Variants in ESYT1 observed in about 807,000 individuals in gnomAD.
ESYT1 encodes the protein extended synaptotagmin 1.
A neutral mutation model predicts 154.2 loss-of-function variants in ESYT1; 116 were observed. The observed-to-expected ratio is 0.75, with a 90% CI of 0.65 to 0.88. The LOEUF is 0.88. Ranked by LOEUF, ESYT1 falls within the 40% of genes least tolerant of loss-of-function variation. The probability of loss-of-function intolerance (pLI) is 0.00; values close to 1 mark genes in which losing one functional copy is unlikely to be tolerated. For synonymous variants in ESYT1, 500 were observed against 539.9 expected (o/e 0.93, Z 1.02); for missense variants, 1,264 against 1,379.3 (o/e 0.92, Z 1.32).
Position 56,143,391 on chromosome 12 carries a change from T to C in ESYT1, c.3225+58T>C, listed in dbSNP as rs980806968. The stretch of plus-strand genomic sequence containing the variant: ...GGCTGGAAGCTGCTGGCACCAAGGT[T>C]ATAGTCCCTGTGAGGAAGGAAGTAC... On this transcript the variant is annotated intron_variant, in intron 29 of 30. Coordinates refer to ENST00000394048, the MANE Select transcript of ESYT1 (RefSeq NM_015292.3). The C allele has an allele frequency of 5.7e-6, 9 of 1,573,670 alleles. No individual in the cohort carries two copies. The African/African-American group carries it at 1.2e-4, about 21-fold the overall frequency.
chr12:56,131,601 G>A, intron 6 of ESYT1, 35 bp downstream of exon 6: 3 of 1,611,832 alleles, frequency 1.9e-6, no homozygotes, highest in Non-Finnish European at 2.5e-6. Flanking sequence ...TGGGGAAGCA[G>A]GAGAAACAGA....
At chr12:56,134,750 C>A (rs1252412433) in intron 15 of ESYT1, among the ~76,000 whole-genome samples, 1 of 152,100 alleles carries the variant, frequency 6.6e-6, no homozygotes, top group Non-Finnish European at 1.5e-5. Flanking sequence ...AGGCAGGCAC[C>A]ACCATGCCCG....
In ESYT1 at chr12:56,137,817, A is replaced by G. The variant is rs1351804442; in HGVS notation, c.2116-15A>G. ...AAGGAGAGAATCTTTCATCTGCACTATTTTCTCCCACTAGGTGATCGTCAC... is the reference window on the plus strand; with the variant it reads ...AAGGAGAGAATCTTTCATCTGCACTGTTTTCTCCCACTAGGTGATCGTCAC... On this transcript the variant is annotated splice_polypyrimidine_tract_variant and intron_variant, in intron 18 of 30. Coordinates refer to ENST00000394048, the MANE Select transcript of ESYT1 (RefSeq NM_015292.3). 1 of 1,613,764 alleles carries G rather than the reference A, an allele frequency of 6.2e-7. No homozygotes were observed. Among genetic ancestry groups the G allele is most frequent in the Non-Finnish European group, 8.5e-7 (1 of 1,179,806 alleles).
rs1266034413 is a variant in ESYT1 at position 56,142,291 on chromosome 12, G to A, written c.2599G>A (p.Gly867Ser). The part of the protein sequence containing the change: ...HTESLELQVR[G>S]EGTGVLGSLS... The stretch of plus-strand genomic sequence containing the variant: ...TGGTCCTGTTGCCCCACAGGTTCGG[G>A]GTGAGGGCACTGGCGTGCTGGGCTC... Residue 867 changes from glycine (G) to serine (S), a missense_variant, in exon 25 of 31, where the codon GGT becomes AGT. Coordinates refer to ENST00000394048, the MANE Select transcript of ESYT1 (RefSeq NM_015292.3). The surrounding 1 kb of genome is among the most constrained non-coding windows in gnomAD (Gnocchi z 4.1). 16 of 1,613,912 alleles carry A rather than the reference G, an allele frequency of 9.9e-6. 1 individual carries two copies. The Admixed American group carries it at 1.5e-4, about 15-fold the overall frequency.
In ESYT1 at chr12:56,130,586, G is replaced by C. The variant is rs1272582616; in HGVS notation, c.395G>C (p.Ser132Thr). Residue 132 changes from serine (S) to threonine (T), a missense_variant, in exon 2 of 31, where the codon AGC (serine) becomes ACC (threonine). Physicochemically the swap from Ser to Thr is moderately conservative, Grantham distance 58. Transcript: ENST00000394048. ...MSHRELPAWV[S>T]FPDVEKAEWL... Reference sequence around the variant, plus strand: ...CTCTGCCTTCCCCACCTCCAGGTCAGCTTCCCAGACGTGGAAAAGGCTGAA... The same window carrying C: ...CTCTGCCTTCCCCACCTCCAGGTCACCTTCCCAGACGTGGAAAAGGCTGAA... 2.5e-6 allele frequency: 4 copies of C among 1,613,820 alleles called. No homozygotes were observed. In the African/African-American group the frequency reaches 5.3e-5, roughly 22 times the overall value.
chr12:56,128,498 G>C lies in ESYT1; in HGVS notation c.179G>C (p.Arg60Thr). The change falls in exon 1 of 31, where the codon AGG becomes ACG. Residue 60 changes from arginine to threonine, a missense_variant. Transcript: ENST00000394048. ...EALAVLTSFG[R>T]RLLVLIPVYL... Reference sequence around the variant, plus strand: ...CTGGCGGTGCTGACTTCATTCGGGAGGCGGTTGCTGGTGCTGATACCTGTG... The same window carrying C: ...CTGGCGGTGCTGACTTCATTCGGGACGCGGTTGCTGGTGCTGATACCTGTG... 1 of 1,611,514 alleles carries C rather than the reference G, an allele frequency of 6.2e-7. No homozygotes were observed. The highest frequency in any genetic ancestry group is 2.2e-5 in the East Asian group (1 of 44,818).
rs756762435 is a variant in ESYT1, at chr12:56,137,382, A to G, written c.1938+9A>G. On this transcript the variant is annotated intron_variant, in intron 17 of 30. Transcript: ENST00000394048. The stretch of plus-strand genomic sequence containing the variant: ...GCCAGTTTGGGACTGAGGTGAGTCT[A>G]TATCTGGAAAGGACTAGGGTCTGTT... The G allele has an allele frequency of 6.8e-6, 11 of 1,614,028 alleles. No homozygotes were observed. Among genetic ancestry groups the G allele is most frequent in the East Asian group, 2.2e-5 (1 of 44,898 alleles).
In ESYT1 at chr12:56,142,765, T is replaced by C. The variant is rs1415490610; in HGVS notation, c.2888+33T>C. 6.2e-7 allele frequency: 1 copy of C among 1,613,134 alleles called. No homozygotes were observed. Among genetic ancestry groups the C allele is most frequent in the Non-Finnish European group, 8.5e-7 (1 of 1,179,698 alleles). ...GCTGGGACAGGAAGGTGGGACGCAGTCAGAAATAAAAAGTATTACAGGTTC... is the reference window on the plus strand; with the variant it reads ...GCTGGGACAGGAAGGTGGGACGCAGCCAGAAATAAAAAGTATTACAGGTTC... On this transcript the variant is annotated intron_variant, in intron 26 of 30. Transcript: ENST00000394048. The surrounding 1 kb of genome is among the most constrained non-coding windows in gnomAD (Gnocchi z 4.1).
chr12:56,131,560 A>G lies in ESYT1; in HGVS notation c.798A>G (p.Arg266=), dbSNP rs1486122353. The G allele has an allele frequency of 2.5e-6, 4 of 1,613,902 alleles. No individual in the cohort carries two copies. Among genetic ancestry groups the G allele is most frequent in the Non-Finnish European group, 2.5e-6 (3 of 1,179,990 alleles). ...GGGCTGTGTCAATGTTCTTCATCCG[A>G]CGCCCGGTAAGGGAAAACAATGAAG... The part of the protein sequence containing the change: ...FVGAVSMFFI[R]RPTLDINWTG... Residue 266 remains arginine (R), a synonymous_variant, in exon 6 of 31, where the codon CGA becomes CGG. Transcript: ENST00000394048.
At position 56,132,483 on chromosome 12, in the gene ESYT1, G is replaced by A. The variant is rs745630502; in HGVS notation, c.1047G>A (p.Lys349=). The change falls in exon 9 of 31, where the codon AAG becomes AAA. Residue 349 remains lysine (K), a synonymous_variant. Transcript: ENST00000394048. The part of the protein sequence containing the change: ...RGLSSKDKYV[K]GLIEGKSDPY... ...TGAGTTCCAAGGACAAATATGTGAA[G>A]GGCCTGATTGAGGGCAAGTCAGACC... The A allele has an allele frequency of 9.9e-6, 16 of 1,614,078 alleles. No homozygotes were observed. In the East Asian group the frequency reaches 3.3e-4, roughly 34 times the overall value.
intron 24 of ESYT1, among the ~76,000 whole-genome samples, chr12:56,141,573 T>C (rs1870694251): frequency 6.6e-6 from 1 of 152,148 alleles, no homozygotes; most frequent in Non-Finnish European, 1.5e-5. Context: ...ACCCTGTCTC[T>C]ATTAAAAATA....
chr12:56,132,579 G>A lies in ESYT1; in HGVS notation c.1143G>A (p.Gln381=), dbSNP rs374972437. 16 of 1,614,228 alleles carry A rather than the reference G, an allele frequency of 9.9e-6. No individual in the cohort carries two copies. The highest frequency in any genetic ancestry group is 1.4e-5 in the Non-Finnish European group (16 of 1,180,048). The part of the protein sequence containing the change: ...SRVIDEELNP[Q]WGETYEVMVH... ...TCATTGATGAAGAACTCAACCCACA[G>A]TGGGGAGAGACTTATGAGGTGGGAG... Residue 381 remains glutamine (Q), a synonymous_variant, in exon 9 of 31, where the codon CAG becomes CAA. Transcript: ENST00000394048.
rs138079553 is a variant in ESYT1, at chr12:56,143,036, C to T, written c.3007C>T (p.Arg1003Cys). The change falls in exon 28 of 31, where the codon CGT (arginine) becomes TGT (cysteine). Residue 1003 changes from arginine (R) to cysteine (C), a missense_variant. Arg to Cys is a radical substitution (Grantham distance 180, BLOSUM62 -3). Transcript: ENST00000394048. The part of the protein sequence containing the change: ...HGCRSLRQNG[R>C]DPPDPYVSLL... ...TTGTAGGTCCCTTCGACAGAATGGA[C>T]GTGATCCTCCTGATCCCTATGTGTC... The T allele has an allele frequency of 1.1e-5, 17 of 1,614,196 alleles. No individual in the cohort carries two copies. The highest frequency in any genetic ancestry group is 8.9e-5 in the East Asian group (4 of 44,886).
At chr12:56,134,995 G>A (rs557567083) in intron 15 of ESYT1, among the ~76,000 whole-genome samples, 6 of 152,142 alleles carry the variant, frequency 3.9e-5, no homozygotes, top group South Asian at 4.1e-4. Flanking sequence ...GCTATGTTTC[G>A]TGCTTTCTCC....
At chr12:56,141,543 A>C (rs578006847) in intron 24 of ESYT1, among the ~76,000 whole-genome samples, 4 of 152,092 alleles carry the variant, frequency 2.6e-5, no homozygotes, top group African/African-American at 9.7e-5. Context: ...GATCGAGACC[A>C]TCCTGGCTAA....
chr12:56,137,771 G>A, intron 18 of ESYT1, 61 bp from the exon 19 acceptor site: 4 of 1,604,194 alleles, frequency 2.5e-6, no homozygotes, highest in East Asian at 2.2e-5. Context: ...TGACTGGGGG[G>A]TCCAGTCATT....
rs760550534 is a variant in ESYT1 at position 56,142,940 on chromosome 12, C to T, written c.2987+7C>T. On this transcript the variant is annotated splice_region_variant and intron_variant, in intron 27 of 30. Transcript: ENST00000394048. The surrounding 1 kb of genome is among the most constrained non-coding windows in gnomAD (Gnocchi z 4.1). ...GCATTGTTCATGGTTGCCGGTGAGA[C>T]CCCATCCCTCCTGTCCTCCAGATCG... 1.2e-6 allele frequency: 2 copies of T among 1,614,146 alleles called. No homozygotes were observed. Among genetic ancestry groups the T allele is most frequent in the South Asian group, 2.2e-5 (2 of 91,086 alleles).
Position 56,130,771 on chromosome 12 carries a change from C to T in ESYT1, c.433-20C>T. On this transcript the variant is annotated intron_variant, in intron 2 of 30. Transcript: ENST00000394048. ...GAGGGAAGACTGGACTCTCCTCTGA[C>T]CATCTCTCTTTCCTCCCAGATTGTG... 1 of 1,613,696 alleles carries T rather than the reference C, an allele frequency of 6.2e-7. No individual in the cohort carries two copies. Among genetic ancestry groups the T allele is most frequent in the Non-Finnish European group, 8.5e-7 (1 of 1,179,946 alleles).
rs1441357166 is a variant in ESYT1 at position 56,144,453 on chromosome 12, G to A, written c.*591G>A. 11 of 987,024 alleles carry A rather than the reference G, an allele frequency of 1.1e-5. No homozygotes were observed. Among genetic ancestry groups the A allele is most frequent in the South Asian group, 9.3e-5 (2 of 21,430 alleles). 61.1% of individuals were successfully genotyped at this position (987,024 alleles called of 1,614,324 possible). The stretch of plus-strand genomic sequence containing the variant: ...TCTTGTCACTTTGGAAACTGAGGAC[G>A]CGTGGATTCTACTCAAGCCTCCAAG... On this transcript the variant is annotated 3_prime_UTR_variant, in exon 31 of 31. Transcript: ENST00000394048.
Sources: gnomAD v4.1 joint callset for allele counts (sites outside exome capture counted in the v4.1 genomes callset) on GRCh38, gnomAD v4.1.1 for gene constraint, Gnocchi (gnomAD v3.1) non-coding constraint, MANE v1.5 for transcripts, NCBI Gene and HGNC (gene_info 2026-07-23, HGNC 2026-07-21) for gene names.